The following MPDZ variants were observed in gnomAD, a reference collection of about 807,000 sequenced individuals.
The protein encoded by MPDZ is multiple PDZ domain crumbs cell polarity complex component.
MPDZ carries 234 observed loss-of-function variants against 239.1 expected under a neutral mutation model. The ratio of observed to expected loss-of-function variants is 0.98; its 90% CI spans 0.88 to 1.09. The LOEUF (loss-of-function observed/expected upper bound fraction) is 1.09. Among genes scored for constraint, MPDZ ranks in the 50% least tolerant of loss-of-function variants. The probability of loss-of-function intolerance (pLI) is 0.00; values close to 1 mark genes in which losing one functional copy is unlikely to be tolerated. For synonymous variants in MPDZ, 1,048 were observed against 881.3 expected (o/e 1.19, Z -3.35); for missense variants, 3,175 against 2,510.0 (o/e 1.26, Z -5.66).
intron 22 of MPDZ, among the ~76,000 whole-genome samples, chr9:13,166,182 T>C (rs1186744118): frequency 6.6e-6 from 1 of 152,146 alleles, no homozygotes; most frequent in African/African-American, 2.4e-5. Flanking sequence ...CAAAGCTTAA[T>C]GGGCCTGAGG....
chr9:13,231,582 T>C (rs1962489089), intron 3 of MPDZ, among the ~76,000 whole-genome samples: 1 of 151,884 alleles, frequency 6.6e-6, no homozygotes. Flanking sequence ...AGTAATTTTA[T>C]ATCTATCAAT....
At chr9:13,135,076 C>T (rs935147914) in intron 31 of MPDZ, 3 of 152,190 alleles carry the variant, frequency 2.0e-5, no homozygotes, top group African/African-American at 7.2e-5. Context: ...CCAAATGTCC[C>T]AATGTACATT....
chr9:13,160,497 T>TAA (rs1950328928), intron 23 of MPDZ, among the ~76,000 whole-genome samples: 3 of 152,096 alleles, frequency 2.0e-5, no homozygotes, highest in African/African-American at 7.2e-5. Flanking sequence ...CCCTAGAACT[T>TAA]AACAGGACTC....
In MPDZ at chr9:13,277,438, AG is replaced by A. The variant is rs535548318; in HGVS notation, c.-58+1961del. Among the ~76,000 whole-genome samples, 742 of 152,338 alleles carry A rather than the reference AG, an allele frequency of 4.9e-3. 6 individuals carry two copies. Among genetic ancestry groups the A allele is most frequent in the Non-Finnish European group, 5.8e-3 (392 of 68,020 alleles). On this transcript the variant is annotated intron_variant, in intron 1 of 46. Coordinates refer to ENST00000319217, the MANE Select transcript of MPDZ (RefSeq NM_001378778.1). ...GATAGGGAAGAAGAACGGAGAGTCA[AG>A]GGGTACCCAAAACTAGTTTTGCCTA...
chr9:13,108,670 T>G (rs1263136410), intron 46 of MPDZ, among the ~76,000 whole-genome samples: 1 of 152,188 alleles, frequency 6.6e-6, no homozygotes, highest in Admixed American at 6.5e-5. Flanking sequence ...AAAAATAGGC[T>G]TTACTAACCA....
rs1946750613 is a variant in MPDZ, at chr9:13,136,320, GTTTTCTTTTTTTTTTT to G, written c.4293-154_4293-139del. Reference sequence around the variant, plus strand: ...CTGTGACACTTACAAATTTACAAACGTTTTCTTTTTTTTTTTTTTTTTTTTTTTTGAGACAGAGTCT... The same window carrying G: ...CTGTGACACTTACAAATTTACAAACGTTTTTTTTTTTTTGAGACAGAGTCT... On this transcript the variant is annotated intron_variant, in intron 30 of 46. Coordinates refer to ENST00000319217, the MANE Select transcript of MPDZ (RefSeq NM_001378778.1). The G allele has an allele frequency of 1.5e-5, 3 of 194,650 alleles. No individual in the cohort carries two copies. The South Asian group carries it at 3.8e-4, about 24-fold the overall frequency. The allele number at this position is 194,650 out of a possible 1,614,324, so 12.1% of individuals were successfully genotyped here.
Position 13,192,262 on chromosome 9 carries a change from G to A in MPDZ, c.1837C>T (p.Gln613Ter). Residue 613 changes from glutamine to a stop codon, truncating the protein, a stop_gained, in exon 15 of 47, where the codon CAA becomes TAA. Coordinates refer to ENST00000319217, the MANE Select transcript of MPDZ (RefSeq NM_001378778.1). LOFTEE classifies it high-confidence loss of function. ...NGITLLGENH[Q>*]DVVNILKELP... ...TCTTTTAAGATATTCACCACATCTT[G>A]GTGATTTTCCCCAAGTAAAGTTATG... is the stretch of plus-strand genomic sequence containing the variant. 1 of 1,602,884 alleles carries A rather than the reference G, an allele frequency of 6.2e-7. No individual in the cohort carries two copies. Among genetic ancestry groups the A allele is most frequent in the Non-Finnish European group, 8.5e-7 (1 of 1,173,914 alleles).
rs982681251 is a variant in MPDZ at position 13,223,602 on chromosome 9, G to C, written c.502C>G (p.Gln168Glu). 1 of 1,612,250 alleles carries C rather than the reference G, an allele frequency of 6.2e-7. No homozygotes were observed. The highest frequency in any genetic ancestry group is 2.2e-5 in the East Asian group (1 of 44,790). The change falls in exon 5 of 47, where the codon CAA becomes GAA. Residue 168 changes from glutamine (Q) to glutamate (E), a missense_variant. Gln to Glu is a conservative substitution (Grantham distance 29, BLOSUM62 2). Transcript: ENST00000319217. The part of the protein sequence containing the change: ...ENRGELGIFV[Q>E]EIQEGSVAHR... ...GCCACACTGCCCTCTTGTATCTCTT[G>C]AACAAATATTCCCAGCTCTCCTCTG...
chr9:13,148,894 G>C (rs527243740), intron 25 of MPDZ, among the ~76,000 whole-genome samples: 4 of 151,142 alleles, frequency 2.6e-5, no homozygotes, highest in Non-Finnish European at 5.9e-5. Flanking sequence ...GCACAAAAAA[G>C]TTCTTTCTTT....
intron 27 of MPDZ, among the ~76,000 whole-genome samples, chr9:13,142,894 A>C (rs1040037808): frequency 2.0e-5 from 3 of 151,964 alleles, no homozygotes; most frequent in African/African-American, 7.2e-5. Context: ...TTGTGTTTCG[A>C]TTTTGGTTTT....
intron 19 of MPDZ, among the ~76,000 whole-genome samples, chr9:13,182,811 G>A (rs1953536609): frequency 6.6e-6 from 1 of 151,920 alleles, no homozygotes; most frequent in Non-Finnish European, 1.5e-5. Context: ...AATAGAGTTG[G>A]GGCATTTATG....
At chr9:13,187,136 T>TA (rs1006795273) in intron 17 of MPDZ, among the ~76,000 whole-genome samples, 34 of 152,142 alleles carry the variant, frequency 2.2e-4, no homozygotes, top group African/African-American at 7.0e-4. Context: ...AGAAGAATTA[T>TA]AGGGGAAAAG....
intron 3 of MPDZ, among the ~76,000 whole-genome samples, chr9:13,228,880 G>A (rs1379301883): frequency 6.6e-6 from 1 of 152,046 alleles, no homozygotes; most frequent in Admixed American, 6.6e-5. Context: ...GGTACAAATA[G>A]CTTTAAAAAT....
intron 39 of MPDZ, among the ~76,000 whole-genome samples, chr9:13,118,503 C>T (rs1398154773): frequency 1.3e-5 from 2 of 152,208 alleles, no homozygotes; most frequent in East Asian, 3.9e-4. Flanking sequence ...AACAGCTCTA[C>T]TGCTGCTGAG....
Position 13,106,766 on chromosome 9 carries a change from G to T in MPDZ, c.*199C>A. On this transcript the variant is annotated 3_prime_UTR_variant, in exon 47 of 47. Coordinates refer to ENST00000319217, the MANE Select transcript of MPDZ (RefSeq NM_001378778.1). Reference sequence around the variant, plus strand: ...TTCCTTCTCTTTAAGTTCACAAAATGCAAGAAGAAAAGAAAAATGATGTTA... The same window carrying T: ...TTCCTTCTCTTTAAGTTCACAAAATTCAAGAAGAAAAGAAAAATGATGTTA... The T allele has an allele frequency of 3.7e-6, 2 of 544,254 alleles. No individual in the cohort carries two copies. The highest frequency in any genetic ancestry group is 3.1e-5 in the Admixed American group (1 of 32,170). 33.7% of individuals were successfully genotyped at this position (544,254 alleles called of 1,614,324 possible). A position where few individuals can be genotyped will look rare whatever the true frequency, so the allele number is the denominator to read the frequency against.
intron 44 of MPDZ, 92 bp from the exon 45 acceptor site, chr9:13,110,156 G>A (rs949914579): frequency 7.4e-6 from 6 of 813,954 alleles, no homozygotes; most frequent in Non-Finnish European, 1.2e-5. Flanking sequence ...GGATTAAAAT[G>A]TATATTTTAT....
In MPDZ at chr9:13,250,327, T is replaced by A; in HGVS notation, c.-12A>T. 1 of 1,584,788 alleles carries A rather than the reference T, an allele frequency of 6.3e-7. No individual in the cohort carries two copies. The highest frequency in any genetic ancestry group is 8.6e-7 in the Non-Finnish European group (1 of 1,163,966). ...ATGGCTTCCAACATTTTTTTCAAAGTTCAGTGTTCTTCTCTGAAATGATTA... is the reference window on the plus strand; with the variant it reads ...ATGGCTTCCAACATTTTTTTCAAAGATCAGTGTTCTTCTCTGAAATGATTA... On this transcript the variant is annotated 5_prime_UTR_variant, in exon 2 of 47. Coordinates refer to ENST00000319217, the MANE Select transcript of MPDZ (RefSeq NM_001378778.1).
chr9:13,117,460 G>A (rs1943643243), intron 39 of MPDZ, among the ~76,000 whole-genome samples: 1 of 151,014 alleles, frequency 6.6e-6, no homozygotes, highest in African/African-American at 2.4e-5. Context: ...GAACCCGGGA[G>A]GCGGAGCTTG....
Position 13,221,510 on chromosome 9 carries a change from A to C in MPDZ, c.748-10T>G. ...TGTGTTGCCAGTGAACCTACAAACA[A>C]AGCTCATATATGAATTTGTAGAAAT... On this transcript the variant is annotated splice_polypyrimidine_tract_variant and intron_variant, in intron 6 of 46. Coordinates refer to ENST00000319217, the MANE Select transcript of MPDZ (RefSeq NM_001378778.1). 1 of 1,605,900 alleles carries C rather than the reference A, an allele frequency of 6.2e-7. No homozygotes were observed. Among genetic ancestry groups the C allele is most frequent in the Non-Finnish European group, 8.5e-7 (1 of 1,175,778 alleles).
Sources: gnomAD v4.1 joint callset for allele counts (sites outside exome capture counted in the v4.1 genomes callset) on GRCh38, gnomAD v4.1.1 for gene constraint, MANE v1.5 for transcripts, NCBI Gene and HGNC (gene_info 2026-07-23, HGNC 2026-07-21) for gene names.